Variants in UNC5A observed in about 807,000 individuals in gnomAD.
UNC5A encodes the protein unc-5 netrin receptor A.
UNC5A carries 20 observed loss-of-function variants against 87.4 expected under a neutral mutation model. That is an observed-to-expected ratio of 0.23 (90% CI 0.16 to 0.33). The LOEUF is 0.33. Ranked by LOEUF, UNC5A falls within the 10% of genes least tolerant of loss-of-function variation. UNC5A has a pLI of 1.00. For missense variants in UNC5A, 844 were observed against 1,133.4 expected, an observed-to-expected ratio of 0.74 and a Z score of 3.67; for synonymous variants, 438 against 482.3, an observed-to-expected ratio of 0.91 and a Z score of 1.20.
intron 1 of UNC5A, among the ~76,000 whole-genome samples, chr5:176,857,177 C>A (rs1001947482): frequency 4.6e-5 from 7 of 152,282 alleles, no homozygotes; most frequent in African/African-American, 1.7e-4. Context: ...CTTCTACCTT[C>A]TCTGCTGCAC....
Position 176,875,173 on chromosome 5 carries a change from C to T in UNC5A, c.1378+607C>T. Among the ~76,000 whole-genome samples the T allele has an allele frequency of 6.6e-6, 1 of 152,300 alleles. No individual in the cohort carries two copies. Among genetic ancestry groups the T allele is most frequent in the African/African-American group, 2.4e-5 (1 of 41,554 alleles). On this transcript the variant is annotated intron_variant, in intron 8 of 14. Coordinates refer to ENST00000329542, the MANE Select transcript of UNC5A (RefSeq NM_133369.3). The surrounding 1 kb of genome is among the most constrained non-coding windows in gnomAD (Gnocchi z 5.2). ...CCGAGCTCCCTCCCAGTGCCCTTCTCCCCGAGCGGCCTCGCCCACTCCATG... is the reference window on the plus strand; with the variant it reads ...CCGAGCTCCCTCCCAGTGCCCTTCTTCCCGAGCGGCCTCGCCCACTCCATG...
At position 176,810,717 on chromosome 5, in the gene UNC5A, C is replaced by A. The variant is rs1403464101; in HGVS notation, c.-34C>A. On this transcript the variant is annotated 5_prime_UTR_variant, in exon 1 of 15. Transcript: ENST00000329542. This position sits in a 1 kb window ranked among gnomAD's most constrained non-coding sequence, Gnocchi z 7.3. ...AGCCGCCCTCCCGCCCGCGGGGCCC[C>A]GCGCCCGGCCCGCCCGCCTGCCCGC... The A allele has an allele frequency of 1.0e-6, 1 of 990,696 alleles. No homozygotes were observed. The highest frequency in any genetic ancestry group is 1.2e-6 in the Non-Finnish European group (1 of 816,550). The allele number at this position is 990,696 out of a possible 1,614,324, so 61.4% of individuals were successfully genotyped here.
rs70991579 is a variant in UNC5A, at chr5:176,858,788, C to CAGGG, written c.71-3822_71-3819dup. ...GAAGGAAGGAAGGCAAGCAAGCAGG[C>CAGGG]AGGGAGGGAGGGAGGGAAGGAAAGA... On this transcript the variant is annotated intron_variant, in intron 1 of 14. Coordinates refer to ENST00000329542, the MANE Select transcript of UNC5A (RefSeq NM_133369.3). Among the ~76,000 whole-genome samples the CAGGG allele has an allele frequency of 2.0e-4, 12 of 59,308 alleles. 1 individual carries two copies. The highest frequency in any genetic ancestry group is 1.1e-3 in the South Asian group (2 of 1,856). The allele number at this position is 59,308 out of a possible 152,430, so 38.9% of individuals were successfully genotyped here.
intron 1 of UNC5A, among the ~76,000 whole-genome samples, chr5:176,830,911 C>G (rs1757005369): frequency 8.5e-6 from 1 of 117,940 alleles, no homozygotes; most frequent in Non-Finnish European, 1.8e-5. Flanking sequence ...TGTGTATGTG[C>G]CGGCGTGTGT....
intron 1 of UNC5A, among the ~76,000 whole-genome samples, chr5:176,854,902 G>T (rs1237608196): frequency 6.6e-6 from 1 of 152,236 alleles, no homozygotes; most frequent in Non-Finnish European, 1.5e-5. Context: ...TGGGAGCTCA[G>T]ACTGGGGTCA....
Position 176,879,944 on chromosome 5 carries a change from C to T in UNC5A, c.*58C>T. ...AGCTTTGGCACCCACCAAGGACAGGCAGAAGCCGGACAGGGGCCCTTCCCC... is the reference window on the plus strand; with the variant it reads ...AGCTTTGGCACCCACCAAGGACAGGTAGAAGCCGGACAGGGGCCCTTCCCC... On this transcript the variant is annotated 3_prime_UTR_variant, in exon 15 of 15. Transcript: ENST00000329542. 1 of 1,553,572 alleles carries T rather than the reference C, an allele frequency of 6.4e-7. No individual in the cohort carries two copies. The highest frequency in any genetic ancestry group is 8.7e-7 in the Non-Finnish European group (1 of 1,150,864).
intron 1 of UNC5A, among the ~76,000 whole-genome samples, chr5:176,819,991 G>A (rs193006576): frequency 6.6e-6 from 1 of 152,374 alleles, no homozygotes; most frequent in Non-Finnish European, 1.5e-5. Flanking sequence ...GGCCGGGCGC[G>A]GTGGCTCACG....
intron 10 of UNC5A, 76 bp downstream of exon 10, chr5:176,877,779 G>A (rs1377459459): frequency 9.2e-6 from 14 of 1,523,426 alleles, no homozygotes; most frequent in Admixed American, 1.9e-5. Context: ...TCCACCGCTG[G>A]GTGGTCCTGA....
At chr5:176,827,388 G>A (rs1756882120) in intron 1 of UNC5A, among the ~76,000 whole-genome samples, 1 of 151,856 alleles carries the variant, frequency 6.6e-6, no homozygotes, top group Admixed American at 6.6e-5. Flanking sequence ...TCACCATGTT[G>A]GCCAGGCTGA....
intron 9 of UNC5A, 77 bp downstream of exon 9, chr5:176,877,356 A>T: frequency 7.0e-7 from 1 of 1,437,988 alleles, no homozygotes; most frequent in Non-Finnish European, 9.5e-7. Flanking sequence ...CCCCCTGCCC[A>T]CCCACTGTTG....
At chr5:176,833,408 C>T (rs968960665) in intron 1 of UNC5A, among the ~76,000 whole-genome samples, 3 of 152,170 alleles carry the variant, frequency 2.0e-5, no homozygotes, top group East Asian at 1.9e-4. Context: ...TTTTCTCTTC[C>T]GGCATTAATT....
chr5:176,863,178 C>G (rs776567181), intron 2 of UNC5A, among the ~76,000 whole-genome samples: 2 of 152,268 alleles, frequency 1.3e-5, no homozygotes, highest in South Asian at 2.1e-4. Flanking sequence ...AGGCAGACAG[C>G]GGGGTGACCT....
intron 1 of UNC5A, among the ~76,000 whole-genome samples, chr5:176,853,126 G>C (rs1174592582): frequency 6.6e-6 from 1 of 152,250 alleles, no homozygotes; most frequent in East Asian, 1.9e-4. Flanking sequence ...GGCACGACAA[G>C]TGCAAAGGCC....
intron 5 of UNC5A, among the ~76,000 whole-genome samples, 160 bp from the exon 6 acceptor site, chr5:176,870,210 C>T (rs550783026): frequency 6.6e-6 from 1 of 152,314 alleles, no homozygotes; most frequent in African/African-American, 2.4e-5. Context: ...CAGCTGGACA[C>T]TAGAGGGCGT....
At chr5:176,811,856 G>C (rs560872446) in intron 1 of UNC5A, among the ~76,000 whole-genome samples, 1 of 152,236 alleles carries the variant, frequency 6.6e-6, no homozygotes, top group East Asian at 1.9e-4. Flanking sequence ...CCAGGCCGCT[G>C]CTTATAACAG....
intron 8 of UNC5A, among the ~76,000 whole-genome samples, chr5:176,876,048 G>T (rs945311093): frequency 6.6e-6 from 1 of 152,222 alleles, no homozygotes. Flanking sequence ...CACTTCCCCC[G>T]CATCCTGTGC....
intron 1 of UNC5A, among the ~76,000 whole-genome samples, chr5:176,830,499 T>G: frequency 7.1e-6 from 1 of 141,422 alleles, no homozygotes. Context: ...CGTATGTGTG[T>G]GCTGCTGTGT....
chr5:176,878,791 T>C (rs965925063), intron 13 of UNC5A, 152 bp downstream of exon 13: 1 of 1,055,964 alleles, frequency 9.5e-7, no homozygotes, highest in Non-Finnish European at 1.3e-6. Flanking sequence ...CCTTGGCAGC[T>C]TCCTCCCAGA....
intron 1 of UNC5A, among the ~76,000 whole-genome samples, chr5:176,851,135 T>A (rs1757532251): frequency 6.6e-6 from 1 of 152,252 alleles, no homozygotes; most frequent in Non-Finnish European, 1.5e-5. Flanking sequence ...GTAGCCAGCC[T>A]GCCTGGGCAG....
Sources: allele counts gnomAD v4.1 joint callset (sites outside exome capture counted in the v4.1 genomes callset), GRCh38; gene constraint gnomAD v4.1.1; non-coding constraint Gnocchi (gnomAD v3.1); transcripts MANE v1.5; gene names NCBI Gene and HGNC (gene_info 2026-07-23, HGNC 2026-07-21).